RSRP1: variants seen among roughly 807,000 people sequenced by gnomAD.
RSRP1 encodes arginine/serine-rich protein 1.
In RSRP1, 37 loss-of-function variants were observed where a neutral mutation model predicts 33.0. The observed-to-expected ratio is 1.12, with a 90% CI of 0.86 to 1.48. The LOEUF (loss-of-function observed/expected upper bound fraction) is 1.48. Among genes scored for constraint, RSRP1 ranks in the 40% most tolerant of loss-of-function variants. The probability of loss-of-function intolerance (pLI) is 0.00; values close to 1 mark genes in which losing one functional copy is unlikely to be tolerated. For synonymous variants in RSRP1, 167 were observed against 158.7 expected, an observed-to-expected ratio of 1.05 and a Z score of -0.40; for missense variants, 402 against 385.3, an observed-to-expected ratio of 1.04 and a Z score of -0.36.
At chr1:25,287,369 G>A (rs554168517) in intron 1 of RSRP1, among the ~76,000 whole-genome samples, 2 of 135,476 alleles carry the variant, frequency 1.5e-5, no homozygotes, top group Admixed American at 7.1e-5. Context: ...AAGACGAGAA[G>A]GGAGAGAAGT....
intron 1 of RSRP1, among the ~76,000 whole-genome samples, chr1:25,256,809 T>C (rs1456292500): frequency 6.6e-6 from 1 of 152,064 alleles, no homozygotes; most frequent in African/African-American, 2.4e-5. Context: ...CTTGACTTCT[T>C]GTATTATGCT....
rs747777875 is a variant in RSRP1, at chr1:25,305,487, C to CCCGGA, written c.-67+32490_-67+32491insTCCGG. On this transcript the variant is annotated intron_variant, in intron 1 of 1. Coordinates refer to the RSRP1 transcript ENST00000561867. ...TCTCAGCTCACTGCAACCTCCACCT[C>CCCGGA]CTGGGTTCAAGTGATTCTCCTACCT... is the stretch of plus-strand genomic sequence containing the variant. Among the ~76,000 whole-genome samples, 12 of 13,254 alleles carry CCCGGA rather than the reference C, an allele frequency of 9.1e-4. 4 individuals are homozygous for CCCGGA. The Non-Finnish European group carries it at 0.034, about 37-fold the overall frequency. The allele number at this position is 13,254 out of a possible 152,430, so 8.7% of individuals were successfully genotyped here. A position where few individuals can be genotyped will look rare whatever the true frequency, so the allele number is the denominator to read the frequency against.
At chr1:25,318,652 C>G (rs567695722) in intron 1 of RSRP1, among the ~76,000 whole-genome samples, 1 of 132,590 alleles carries the variant, frequency 7.5e-6, no homozygotes, top group African/African-American at 2.6e-5. Flanking sequence ...AAGCAAACAT[C>G]TTTTATTGGT....
intron 1 of RSRP1, among the ~76,000 whole-genome samples, chr1:25,320,343 TAA>T (rs544073405): frequency 3.0e-5 from 4 of 131,812 alleles, no homozygotes; most frequent in African/African-American, 1.0e-4. Context: ...TGATTTTTTT[TAA>T]AAAAAGTCTA....
intron 2 of RSRP1, among the ~76,000 whole-genome samples, chr1:25,246,217 G>GA (rs1018754219): frequency 1.3e-5 from 2 of 152,030 alleles, no homozygotes; most frequent in Non-Finnish European, 2.9e-5. Context: ...CAGCCAATAG[G>GA]AAAAAAAGTT....
At chr1:25,249,873 T>C (rs1407756996), upstream of RSRP1, among the ~76,000 whole-genome samples, 3 of 152,242 alleles carry the variant, frequency 2.0e-5, no homozygotes, top group Non-Finnish European at 4.4e-5. Flanking sequence ...ATTTGTAGGC[T>C]AATGTAGGCA....
Position 25,298,714 on chromosome 1 carries a change from A to G in RSRP1, c.-67+39264T>C, listed in dbSNP as rs995654905. On this transcript the variant is annotated intron_variant, in intron 1 of 1. Coordinates refer to the RSRP1 transcript ENST00000561867. ...AATATTTATTTGGTATTTACTATAT[A>G]CCAGGGACTCTTGTGGCAGTGGAAA... is the stretch of plus-strand genomic sequence containing the variant. Among the ~76,000 whole-genome samples, 10 of 131,596 alleles carry G rather than the reference A, an allele frequency of 7.6e-5. 2 individuals carry two copies. The highest frequency in any genetic ancestry group is 2.6e-4 in the African/African-American group (10 of 38,224). 86.3% of individuals were successfully genotyped at this position (131,596 alleles called of 152,430 possible).
upstream of RSRP1, among the ~76,000 whole-genome samples, chr1:25,252,417 T>C (rs1172221558): frequency 6.6e-6 from 1 of 151,380 alleles, no homozygotes; most frequent in Admixed American, 6.6e-5. Flanking sequence ...CACCAGACAA[T>C]GGAGGATTCA....
rs1169065657 is a variant in RSRP1, at chr1:25,266,564, C to T, written c.-66-19535G>A. 5 of 128,070 alleles carry T rather than the reference C, an allele frequency of 3.9e-5. 1 individual carries two copies. The highest frequency in any genetic ancestry group is 1.5e-4 in the Admixed American group (2 of 13,502). The allele number at this position is 128,070 out of a possible 1,614,324, so 7.9% of individuals were successfully genotyped here. ...TTTATCTACTAATCGGCTAATATCC[C>T]GCCAAAAACAAAAAACCCCAAAGGG... On this transcript the variant is annotated intron_variant, in intron 1 of 1. Coordinates refer to the RSRP1 transcript ENST00000561867.
At chr1:25,330,953 CTTTTTTTTTT>C (rs71014353) in intron 1 of RSRP1, among the ~76,000 whole-genome samples, 2 of 34,694 alleles carry the variant, frequency 5.8e-5, no homozygotes, top group Admixed American at 8.2e-4. Flanking sequence ...TGTCATCTTC[CTTTTTTTTTT>C]TTTTTTTTTT....
intron 1 of RSRP1, among the ~76,000 whole-genome samples, chr1:25,259,524 A>G (rs1442542941): frequency 6.6e-6 from 1 of 151,530 alleles, no homozygotes; most frequent in Non-Finnish European, 1.5e-5. Context: ...TTTTTTTTGA[A>G]ACGGAGTCTC....
At chr1:25,254,474 C>T (rs977804177) in intron 1 of RSRP1, among the ~76,000 whole-genome samples, 1 of 151,496 alleles carries the variant, frequency 6.6e-6, no homozygotes, top group Non-Finnish European at 1.5e-5. Flanking sequence ...CTCACTCTGT[C>T]GCCCCGGCTG....
intron 1 of RSRP1, among the ~76,000 whole-genome samples, chr1:25,252,961 G>A (rs1639836384): frequency 6.6e-6 from 1 of 152,236 alleles, no homozygotes; most frequent in African/African-American, 2.4e-5. Flanking sequence ...GGCAGATGAT[G>A]TATTTATCAA....
chr1:25,272,598 C>T (rs1368662782), intron 1 of RSRP1: 3 of 1,582,938 alleles, frequency 1.9e-6, no homozygotes, highest in Non-Finnish European at 2.6e-6. Flanking sequence ...CCCTCTGGGC[C>T]CTAACACTGG....
At chr1:25,322,348 A>C (rs966708770) in intron 1 of RSRP1, among the ~76,000 whole-genome samples, 1 of 132,770 alleles carries the variant, frequency 7.5e-6, no homozygotes, top group Non-Finnish European at 1.8e-5. Flanking sequence ...CTTTTTTGAC[A>C]GATGCTAAGA....
At chr1:25,280,648 A>G (rs115252256) in intron 1 of RSRP1, among the ~76,000 whole-genome samples, 2,521 of 91,428 alleles carry the variant, frequency 0.028, 277 homozygotes, top group African/African-American at 0.089. Flanking sequence ...TCCCTCTGTC[A>G]CCCAGGCTGC....
intron 1 of RSRP1, among the ~76,000 whole-genome samples, chr1:25,261,621 GTC>G (rs1640155814): frequency 6.6e-6 from 1 of 151,252 alleles, no homozygotes; most frequent in African/African-American, 2.4e-5. Context: ...AGCCAGGATG[GTC>G]TCAATCTCCT....
At chr1:25,309,405 A>G (rs1263405225) in intron 1 of RSRP1, among the ~76,000 whole-genome samples, 3 of 131,678 alleles carry the variant, frequency 2.3e-5, no homozygotes, top group Admixed American at 2.2e-4. Context: ...AATAGCAGAG[A>G]AAACCTCAGA....
At chr1:25,320,077 T>C (rs528004140) in intron 1 of RSRP1, among the ~76,000 whole-genome samples, 1 of 131,150 alleles carries the variant, frequency 7.6e-6, no homozygotes, top group South Asian at 2.4e-4. Flanking sequence ...TTTGTATTTT[T>C]AGTAGAGACA....
Sources: allele counts gnomAD v4.1 joint callset (sites outside exome capture counted in the v4.1 genomes callset), GRCh38; gene constraint gnomAD v4.1.1; transcripts MANE v1.5; gene names NCBI Gene and HGNC (gene_info 2026-07-23, HGNC 2026-07-21).